Variants in GRIK2 observed in about 807,000 individuals in gnomAD.
GRIK2 encodes the protein glutamate ionotropic receptor kainate type subunit 2.
Under a neutral mutation model 100.3 loss-of-function variants are expected in GRIK2, and 32 were observed. That is an observed-to-expected ratio of 0.32 (90% confidence interval 0.24 to 0.43). The LOEUF (loss-of-function observed/expected upper bound fraction) is 0.43. Among genes scored for constraint, GRIK2 ranks in the 20% least tolerant of loss-of-function variants. GRIK2 has a pLI of 1.00. For missense variants in GRIK2, 843 were observed against 1,114.9 expected (o/e 0.76, Z 3.47); for synonymous variants, 417 against 389.4 (o/e 1.07, Z -0.83).
rs1165058995 is a variant in GRIK2 at position 101,932,581 on chromosome 6, G to GT, written c.2085+3961dup. Among the ~76,000 whole-genome samples, 202 of 144,142 alleles carry GT rather than the reference G, an allele frequency of 1.4e-3. 1 individual carries two copies. Among genetic ancestry groups the GT allele is most frequent in the African/African-American group, 2.0e-3 (78 of 39,710 alleles). 94.6% of individuals were successfully genotyped at this position (144,142 alleles called of 152,430 possible). ...GTGCTCCTCTTTTACATTCTTTGAA[G>GT]TTTTTTTTTTTTAAACTTACATTAT... On this transcript the variant is annotated intron_variant, in intron 14 of 16. Coordinates refer to ENST00000369134, the MANE Select transcript of GRIK2 (RefSeq NM_021956.5).
rs570035996 is a variant in GRIK2, at chr6:101,771,443, C to G, written c.952-28205C>G. ...TAAGAAATAAAGCGGTTATGGAAGCCCAGTTCTGGACTCATTATTAACCCA... is the reference window on the plus strand; with the variant it reads ...TAAGAAATAAAGCGGTTATGGAAGCGCAGTTCTGGACTCATTATTAACCCA... On this transcript the variant is annotated intron_variant, in intron 7 of 16. Coordinates refer to ENST00000369134, the MANE Select transcript of GRIK2 (RefSeq NM_021956.5). Among the ~76,000 whole-genome samples the G allele has an allele frequency of 6.6e-5, 10 of 151,670 alleles. No homozygotes were observed. In the South Asian group the frequency reaches 2.1e-3, roughly 32 times the overall value.
intron 2 of GRIK2, among the ~76,000 whole-genome samples, chr6:101,448,646 C>T (rs566793225): frequency 6.6e-6 from 1 of 151,564 alleles, no homozygotes; most frequent in South Asian, 2.1e-4. Context: ...CATTTTGAAG[C>T]ATGAGAATGA....
At chr6:102,050,416 G>A (rs982630287) in intron 15 of GRIK2, among the ~76,000 whole-genome samples, 2 of 152,074 alleles carry the variant, frequency 1.3e-5, no homozygotes, top group Non-Finnish European at 2.9e-5. Context: ...CACTTTGGGA[G>A]GCCAAGGCGG....
At chr6:101,779,563 A>C (rs746625703) in intron 7 of GRIK2, among the ~76,000 whole-genome samples, 5 of 152,222 alleles carry the variant, frequency 3.3e-5, no homozygotes, top group Non-Finnish European at 7.3e-5. Flanking sequence ...GGAAATAAAA[A>C]TAGCTTCAAT....
intron 2 of GRIK2, among the ~76,000 whole-genome samples, chr6:101,520,233 CTT>C (rs1347907096): frequency 6.6e-6 from 1 of 151,548 alleles, no homozygotes; most frequent in South Asian, 2.1e-4. Flanking sequence ...TTTTTTCAAA[CTT>C]TTTCTTAAAT....
intron 2 of GRIK2, among the ~76,000 whole-genome samples, chr6:101,552,238 A>T (rs1454870546): frequency 7.9e-5 from 12 of 152,176 alleles, no homozygotes; most frequent in Admixed American, 7.9e-4. Context: ...AAAGTTTTCA[A>T]ATGATTTGTC....
At chr6:102,056,295 G>C (rs981495383) in intron 16 of GRIK2, among the ~76,000 whole-genome samples, 4 of 151,840 alleles carry the variant, frequency 2.6e-5, no homozygotes, top group African/African-American at 4.8e-5. Context: ...TCCTTGAAAA[G>C]TTTGTCACCT....
chr6:101,630,563 T>C (rs1038025058), intron 4 of GRIK2, among the ~76,000 whole-genome samples: 21 of 152,130 alleles, frequency 1.4e-4, no homozygotes, highest in African/African-American at 4.8e-4. Flanking sequence ...ATGGGGTTAT[T>C]TGTTTTTTGC....
chr6:102,037,521 C>T (rs1770335510), intron 15 of GRIK2, among the ~76,000 whole-genome samples: 1 of 151,226 alleles, frequency 6.6e-6, no homozygotes, highest in Non-Finnish European at 1.5e-5. Flanking sequence ...AAATTCTCCA[C>T]AGAAAATATA....
intron 2 of GRIK2, among the ~76,000 whole-genome samples, chr6:101,571,080 T>C (rs1777503276): frequency 6.6e-6 from 1 of 151,942 alleles, no homozygotes; most frequent in South Asian, 2.1e-4. Context: ...TATGTGAGAT[T>C]TAGATATTTT....
intron 11 of GRIK2, among the ~76,000 whole-genome samples, chr6:101,874,613 G>T (rs1785680772): frequency 1.3e-5 from 2 of 152,070 alleles, no homozygotes; most frequent in South Asian, 4.1e-4. Context: ...TTTTAAAGTA[G>T]TTTTTTCCAG....
intron 2 of GRIK2, among the ~76,000 whole-genome samples, chr6:101,409,320 T>C (rs1243747072): frequency 2.0e-5 from 3 of 152,038 alleles, no homozygotes; most frequent in African/African-American, 7.2e-5. Flanking sequence ...ATAGCCTAGG[T>C]ATATAGTAGG....
intron 4 of GRIK2, among the ~76,000 whole-genome samples, chr6:101,646,098 C>T (rs958855002): frequency 1.3e-5 from 2 of 151,702 alleles, no homozygotes; most frequent in Non-Finnish European, 1.5e-5. Flanking sequence ...TTACTTTTCT[C>T]TCCCCAGTAA....
At chr6:101,999,229 C>T (rs898786564) in intron 14 of GRIK2, among the ~76,000 whole-genome samples, 4 of 151,880 alleles carry the variant, frequency 2.6e-5, no homozygotes, top group Non-Finnish European at 5.9e-5. Flanking sequence ...AGATATTTTG[C>T]ATTTCTATGT....
chr6:101,437,434 T>C (rs571279923), intron 2 of GRIK2, among the ~76,000 whole-genome samples: 6 of 152,110 alleles, frequency 3.9e-5, no homozygotes, highest in Non-Finnish European at 8.8e-5. Flanking sequence ...CAAAAAGGAT[T>C]GGTCTATTTC....
At position 101,858,780 on chromosome 6, in the gene GRIK2, G is replaced by A. The variant is rs2791839; in HGVS notation, c.1318-507G>A. Among the ~76,000 whole-genome samples, 414 of 151,864 alleles carry A rather than the reference G, an allele frequency of 2.7e-3. 2 individuals are homozygous for A. The highest frequency in any genetic ancestry group is 9.7e-3 in the African/African-American group (400 of 41,416). ...TTTCATGGTTGTTGGGACAAAATGT[G>A]ATTATATATATAAAAAGTCCACACT... On this transcript the variant is annotated intron_variant, in intron 10 of 16. Transcript: ENST00000369134.
chr6:101,824,295 T>C (rs542991038), intron 10 of GRIK2, among the ~76,000 whole-genome samples: 159 of 152,208 alleles, frequency 1.0e-3, no homozygotes, highest in African/African-American at 3.7e-3. Flanking sequence ...CCTCTTGCCC[T>C]TTCCCCTAAG....
chr6:101,840,730 A>C (rs1024155930), intron 10 of GRIK2, among the ~76,000 whole-genome samples: 4 of 152,196 alleles, frequency 2.6e-5, no homozygotes, highest in African/African-American at 9.7e-5. Context: ...GAATCCTATA[A>C]ATTTTATATT....
At chr6:101,700,358 A>G (rs1163723918) in intron 7 of GRIK2, among the ~76,000 whole-genome samples, 3 of 152,078 alleles carry the variant, frequency 2.0e-5, no homozygotes, top group Non-Finnish European at 4.4e-5. Context: ...ATAGGGCTCA[A>G]ACTGAATCTC....
Sources: allele counts gnomAD v4.1 joint callset (sites outside exome capture counted in the v4.1 genomes callset), GRCh38; gene constraint gnomAD v4.1.1; transcripts MANE v1.5; gene names NCBI Gene and HGNC (gene_info 2026-07-23, HGNC 2026-07-21).